Variants in CFAP263 observed in about 807,000 individuals in gnomAD.
CFAP263 encodes cilia and flagella associated protein 263.
the CFAP263 span, chr16:58,254,108 T>A: frequency 1.9e-6 from 3 of 1,614,058 alleles, no homozygotes; most frequent in Non-Finnish European, 2.5e-6. Context: ...ACATGAAGGA[T>A]GACTTACGAC....
chr16:58,267,470 A>G, the CFAP263 span: 2 of 1,595,628 alleles, frequency 1.3e-6, no homozygotes, highest in African/African-American at 2.7e-5. Context: ...CTGTGTTGTT[A>G]TATTTCAGAG....
At chr16:58,279,710 G>T in the CFAP263 span, 1 of 1,607,368 alleles carries the variant, frequency 6.2e-7, no homozygotes. Flanking sequence ...AAAGGCCATC[G>T]TAAGGCTTGG....
the CFAP263 span, chr16:58,280,015 C>T: frequency 1.6e-6 from 1 of 627,776 alleles, no homozygotes; most frequent in Non-Finnish European, 2.8e-6. Flanking sequence ...CACTTGTTAG[C>T]CAGCATTTAG....
chr16:58,253,992 T>G, the CFAP263 span: 1 of 1,614,164 alleles, frequency 6.2e-7, no homozygotes, highest in Non-Finnish European at 8.5e-7. Context: ...TTCTCTTGGG[T>G]TGCAGTTTCG....
the CFAP263 span, chr16:58,278,368 A>G: frequency 1.1e-6 from 1 of 933,460 alleles, no homozygotes; most frequent in Non-Finnish European, 1.6e-6. Context: ...TTGAAAATGT[A>G]AACATTATTT....
the CFAP263 span, among the ~76,000 whole-genome samples, chr16:58,269,072 G>A: frequency 6.6e-6 from 1 of 152,048 alleles, no homozygotes; most frequent in Non-Finnish European, 1.5e-5. Flanking sequence ...AGTGGCTCAC[G>A]CTGTAATCCT....
the CFAP263 span, among the ~76,000 whole-genome samples, chr16:58,270,708 A>G: frequency 1.3e-5 from 2 of 151,890 alleles, no homozygotes; most frequent in Non-Finnish European, 2.9e-5. Flanking sequence ...ATGAAGATTT[A>G]CTCCTCTGTC....
chr16:58,275,834 A>G, the CFAP263 span, among the ~76,000 whole-genome samples: 11 of 152,240 alleles, frequency 7.2e-5, no homozygotes, highest in Admixed American at 5.2e-4. Context: ...AAATTAATTC[A>G]GGTATATCAG....
At chr16:58,268,886 C>T in the CFAP263 span, among the ~76,000 whole-genome samples, 3 of 152,066 alleles carry the variant, frequency 2.0e-5, no homozygotes, top group Non-Finnish European at 2.9e-5. Context: ...TTGAAAATAG[C>T]TTTATTGGGA....
chr16:58,252,092 A>G, the CFAP263 span, among the ~76,000 whole-genome samples: 1 of 152,234 alleles, frequency 6.6e-6, no homozygotes, highest in Non-Finnish European at 1.5e-5. Context: ...CAGGTTGGGC[A>G]CAGTGGCTAT....
chr16:58,267,528 T>A, the CFAP263 span: 1 of 1,613,904 alleles, frequency 6.2e-7, no homozygotes, highest in Non-Finnish European at 8.5e-7. Context: ...GACAAGGAGA[T>A]CTTGCTGAGA....
chr16:58,269,023 C>G, the CFAP263 span, among the ~76,000 whole-genome samples: 3 of 151,958 alleles, frequency 2.0e-5, no homozygotes, highest in Non-Finnish European at 4.4e-5. Flanking sequence ...AGGAAAAAAC[C>G]CTGCAGCCAT....
the CFAP263 span, among the ~76,000 whole-genome samples, chr16:58,257,106 C>T: frequency 1.1e-5 from 1 of 87,920 alleles, no homozygotes; most frequent in African/African-American, 3.7e-5. Flanking sequence ...CAAGCTCTGC[C>T]TCCCGGGTTC....
the CFAP263 span, chr16:58,250,365 T>TCA: frequency 9.4e-6 from 4 of 424,580 alleles, no homozygotes; most frequent in African/African-American, 8.4e-5. Context: ...AGTGAGGGTT[T>TCA]CAGCCGGAGG....
chr16:58,276,003 C>A, the CFAP263 span, among the ~76,000 whole-genome samples: 1 of 151,950 alleles, frequency 6.6e-6, no homozygotes, highest in Non-Finnish European at 1.5e-5. Context: ...TTTTGCATAG[C>A]AAAAATGATC....
chr16:58,263,561 A>G, the CFAP263 span, among the ~76,000 whole-genome samples: 1 of 152,220 alleles, frequency 6.6e-6, no homozygotes, highest in Non-Finnish European at 1.5e-5. Context: ...CTGTGGGCTT[A>G]GGTAGCTCGC....
the CFAP263 span, chr16:58,258,478 C>T: frequency 1.1e-5 from 18 of 1,613,770 alleles, no homozygotes; most frequent in Middle Eastern, 1.6e-4. Context: ...GTATTTTGGC[C>T]ACTCAGAAAG....
the CFAP263 span, among the ~76,000 whole-genome samples, chr16:58,262,779 A>ATAGG: frequency 6.6e-6 from 1 of 150,470 alleles, no homozygotes; most frequent in African/African-American, 2.5e-5. Context: ...AGATAGATAG[A>ATAGG]TAGATAGATA....
the CFAP263 span, chr16:58,250,051 T>A: frequency 6.2e-7 from 1 of 1,600,004 alleles, no homozygotes; most frequent in Non-Finnish European, 8.5e-7. Context: ...CCTCTCCGAC[T>A]CCCATGAAGG....
Sources: gnomAD v4.1 joint callset for allele counts (sites outside exome capture counted in the v4.1 genomes callset) on GRCh38, gnomAD v4.1.1 for gene constraint, MANE v1.5 for transcripts, NCBI Gene and HGNC (gene_info 2026-07-23, HGNC 2026-07-21) for gene names.